Variants in LNX1 observed in about 807,000 individuals in gnomAD.
LNX1 encodes the protein E3 ubiquitin-protein ligase LNX.
A neutral mutation model predicts 68.4 loss-of-function variants in LNX1; 54 were observed. That is an observed-to-expected ratio of 0.79 (90% CI 0.63 to 0.99). The LOEUF is 0.99. Ranked by LOEUF, LNX1 falls within the 50% of genes least tolerant of loss-of-function variation. The pLI is 0.00. For synonymous variants in LNX1, 336 were observed against 350.0 expected, an observed-to-expected ratio of 0.96 and a Z score of 0.45; for missense variants, 906 against 926.4, an observed-to-expected ratio of 0.98 and a Z score of 0.29.
intron 2 of LNX1, among the ~76,000 whole-genome samples, chr4:53,542,264 T>A (rs2109663571): frequency 6.6e-6 from 1 of 152,364 alleles, no homozygotes; most frequent in Admixed American, 6.5e-5. Context: ...ACAGTTTGCA[T>A]TTAAATGATC....
At chr4:53,650,793 T>C (rs996703757) in intron 1 of LNX1, among the ~76,000 whole-genome samples, 2 of 152,052 alleles carry the variant, frequency 1.3e-5, no homozygotes, top group African/African-American at 4.8e-5. Flanking sequence ...TCACACCTCA[T>C]GTCATTAGTT....
intron 6 of LNX1, among the ~76,000 whole-genome samples, chr4:53,484,712 A>T (rs2109429445): frequency 6.6e-6 from 1 of 152,300 alleles, no homozygotes; most frequent in Non-Finnish European, 1.5e-5. Flanking sequence ...AGGGGTCATG[A>T]TTTGGGTGGC....
intron 2 of LNX1, among the ~76,000 whole-genome samples, chr4:53,564,346 C>T (rs1174352055): frequency 2.0e-5 from 3 of 149,602 alleles, no homozygotes; most frequent in African/African-American, 7.4e-5. Flanking sequence ...CCCTTCCCCA[C>T]ATCCCTTCTG....
At chr4:53,610,969 G>A (rs1733470774) in intron 2 of LNX1, among the ~76,000 whole-genome samples, 1 of 151,996 alleles carries the variant, frequency 6.6e-6, no homozygotes, top group Non-Finnish European at 1.5e-5. Flanking sequence ...AGACTATAGT[G>A]ACTGAAAGTA....
chr4:53,492,532 A>AGAGAGAGAGAGAGAGAGAGG (rs1724763458), intron 6 of LNX1, among the ~76,000 whole-genome samples: 7 of 151,348 alleles, frequency 4.6e-5, no homozygotes, highest in Non-Finnish European at 8.9e-5. Context: ...AGAGAGAGAG[A>AGAGAGAGAGAGAGAGAGAGG]GAGAGAGAGA....
chr4:53,487,157 G>A (rs1724364154), intron 6 of LNX1, among the ~76,000 whole-genome samples: 2 of 149,558 alleles, frequency 1.3e-5, no homozygotes, highest in African/African-American at 4.9e-5. Context: ...AGTCAAACAT[G>A]CCACCACACA....
intron 2 of LNX1, chr4:53,549,385 A>G (rs374412765): frequency 7.2e-5 from 11 of 151,960 alleles, no homozygotes; most frequent in Admixed American, 7.2e-4. Context: ...GAATTTGCCA[A>G]AGCTATATTC....
At chr4:53,546,159 T>G (rs1208211300) in intron 2 of LNX1, among the ~76,000 whole-genome samples, 2 of 152,232 alleles carry the variant, frequency 1.3e-5, no homozygotes, top group African/African-American at 2.4e-5. Flanking sequence ...GTTTCATGAC[T>G]GAACTCTGCC....
chr4:53,617,415 G>A (rs1247150132), exon 1 of LNX1: 1 of 152,096 alleles, frequency 6.6e-6, no homozygotes, highest in African/African-American at 2.4e-5. Flanking sequence ...ATTTACTTTG[G>A]GATTTAAGAT....
chr4:53,503,051 C>A (rs1041658717), intron 4 of LNX1, among the ~76,000 whole-genome samples: 4 of 152,060 alleles, frequency 2.6e-5, no homozygotes, highest in Non-Finnish European at 5.9e-5. Context: ...CTGCCTCAGC[C>A]TCCCGGAATT....
upstream of LNX1, among the ~76,000 whole-genome samples, chr4:53,621,933 C>G (rs1733895015): frequency 6.6e-6 from 1 of 152,062 alleles, no homozygotes; most frequent in South Asian, 2.1e-4. Context: ...TCCTGTAGGT[C>G]TCCCCCACTA....
chr4:53,580,487 C>G (rs1577750790), intron 1 of LNX1, among the ~76,000 whole-genome samples: 1 of 152,334 alleles, frequency 6.6e-6, no homozygotes, highest in Middle Eastern at 3.4e-3. Flanking sequence ...CAGCCTGAAA[C>G]TGCATCCACT....
intron 7 of LNX1, among the ~76,000 whole-genome samples, chr4:53,481,491 C>A (rs1310360320): frequency 6.6e-6 from 1 of 152,214 alleles, no homozygotes; most frequent in Non-Finnish European, 1.5e-5. Context: ...ATGAGGTCTG[C>A]ATGATCAGGT....
intron 1 of LNX1, among the ~76,000 whole-genome samples, chr4:53,631,589 T>C: frequency 6.6e-6 from 1 of 152,116 alleles, no homozygotes; most frequent in Non-Finnish European, 1.5e-5. Flanking sequence ...TGGTTTTTCA[T>C]GTTGGCTACA....
At chr4:53,583,366 G>T (rs891519516) in intron 1 of LNX1, among the ~76,000 whole-genome samples, 7 of 152,152 alleles carry the variant, frequency 4.6e-5, no homozygotes, top group African/African-American at 1.4e-4. Context: ...TGTGCATGAT[G>T]GGGGGCAAAT....
At position 53,461,454 on chromosome 4, in the gene LNX1, A is replaced by G; in HGVS notation, c.2032T>C (p.Tyr678His). 1.9e-6 allele frequency: 3 copies of G among 1,610,468 alleles called. No homozygotes were observed. The highest frequency in any genetic ancestry group is 1.7e-6 in the Non-Finnish European group (2 of 1,177,734). Residue 678 changes from tyrosine (Y) to histidine (H), a missense_variant, in exon 10 of 11, where the codon TAC becomes CAC. By Grantham distance (83) the Tyr-to-His change is moderately conservative. Transcript: ENST00000263925. ...IKSIVEGTPA[Y>H]NDGRIRCGDI... Reference sequence around the variant, plus strand: ...TATTACCTAATTCTTCCATCATTGTATGCTGGTGTTCCTTCAACAATGGAT... The same window carrying G: ...TATTACCTAATTCTTCCATCATTGTGTGCTGGTGTTCCTTCAACAATGGAT...
intron 1 of LNX1, among the ~76,000 whole-genome samples, chr4:53,625,552 T>C (rs1173814298): frequency 2.6e-5 from 4 of 152,132 alleles, no homozygotes; most frequent in Non-Finnish European, 5.9e-5. Flanking sequence ...ATCCCAGCAC[T>C]TTGGGAGGCC....
At chr4:53,621,710 C>G (rs1046027489), upstream of LNX1, among the ~76,000 whole-genome samples, 3 of 152,160 alleles carry the variant, frequency 2.0e-5, no homozygotes, top group South Asian at 6.2e-4. Context: ...AATCTAGTTT[C>G]TACTTTTGAA....
chr4:53,484,074 C>T (rs1724128167), intron 6 of LNX1, among the ~76,000 whole-genome samples: 1 of 152,112 alleles, frequency 6.6e-6, no homozygotes, highest in Non-Finnish European at 1.5e-5. Context: ...TGAGATGGTG[C>T]CATCTGTGAG....
Sources: gnomAD v4.1 joint callset for allele counts (sites outside exome capture counted in the v4.1 genomes callset) on GRCh38, gnomAD v4.1.1 for gene constraint, MANE v1.5 for transcripts, NCBI Gene and HGNC (gene_info 2026-07-23, HGNC 2026-07-21) for gene names.